The following PTK2 variants were observed in gnomAD, a reference collection of about 807,000 sequenced individuals.
PTK2 encodes focal adhesion kinase 1.
A neutral mutation model predicts 150.1 loss-of-function variants in PTK2; 45 were observed. The observed-to-expected ratio is 0.30, with a 90% CI of 0.24 to 0.38. The LOEUF (loss-of-function observed/expected upper bound fraction) is 0.38, where lower values mean the gene tolerates loss of function less well. Ranked by LOEUF, PTK2 falls within the 10% of genes least tolerant of loss-of-function variation. PTK2 has a pLI of 1.00. For missense variants in PTK2, 919 were observed against 1,307.3 expected (o/e 0.70, Z 4.58); for synonymous variants, 432 against 449.2 (o/e 0.96, Z 0.48).
chr8:140,667,960 GC>G (rs1384994384), intron 30 of PTK2, among the ~76,000 whole-genome samples: 1 of 152,202 alleles, frequency 6.6e-6, no homozygotes, highest in Non-Finnish European at 1.5e-5. Context: ...CATACTGTAA[GC>G]ATACTTTTGC....
intron 2 of PTK2, among the ~76,000 whole-genome samples, chr8:140,892,958 A>G (rs573608729): frequency 6.6e-6 from 1 of 152,374 alleles, no homozygotes; most frequent in South Asian, 2.1e-4. Flanking sequence ...AAGGTTAAAC[A>G]TGGAGTTACC....
chr8:140,703,631 C>T (rs2100032012), intron 24 of PTK2, among the ~76,000 whole-genome samples: 1 of 152,164 alleles, frequency 6.6e-6, no homozygotes, highest in South Asian at 2.1e-4. Flanking sequence ...CACAAAAAAT[C>T]CCCCAAATGT....
intron 4 of PTK2, among the ~76,000 whole-genome samples, chr8:140,875,040 A>G (rs1485583240): frequency 6.6e-6 from 1 of 152,182 alleles, no homozygotes; most frequent in African/African-American, 2.4e-5. Context: ...AAATTAACAG[A>G]GTATATGAGC....
At chr8:140,788,106 A>C (rs1207689691) in intron 14 of PTK2, among the ~76,000 whole-genome samples, 1 of 152,214 alleles carries the variant, frequency 6.6e-6, no homozygotes, top group East Asian at 1.9e-4. Flanking sequence ...TCACTACTGG[A>C]AACTAGGGCT....
At chr8:140,917,541 A>G (rs1464769454) in intron 2 of PTK2, among the ~76,000 whole-genome samples, 1 of 152,240 alleles carries the variant, frequency 6.6e-6, no homozygotes, top group Non-Finnish European at 1.5e-5. Context: ...ATGAAATTAG[A>G]ATGGCCAAAA....
intron 14 of PTK2, among the ~76,000 whole-genome samples, chr8:140,773,502 A>G (rs1229391727): frequency 6.6e-6 from 1 of 152,192 alleles, no homozygotes; most frequent in Non-Finnish European, 1.5e-5. Flanking sequence ...ATCTGCAAAG[A>G]CTTCCAGGAG....
chr8:140,735,030 C>T (rs999043866), intron 22 of PTK2: 2 of 571,608 alleles, frequency 3.5e-6, no homozygotes, highest in African/African-American at 1.9e-5. Flanking sequence ...AGAGATTTGA[C>T]CATAATTGGA....
intron 23 of PTK2, among the ~76,000 whole-genome samples, chr8:140,707,696 T>C (rs956441062): frequency 5.3e-5 from 8 of 152,276 alleles, no homozygotes; most frequent in African/African-American, 1.9e-4. Context: ...TGAACCACTG[T>C]GCCCAGCCGA....
At chr8:140,970,620 C>G (rs778135244) in intron 1 of PTK2, among the ~76,000 whole-genome samples, 1 of 152,238 alleles carries the variant, frequency 6.6e-6, no homozygotes, top group African/African-American at 2.4e-5. Flanking sequence ...ACCATCACCA[C>G]GACTTGTGCC....
At chr8:140,930,284 CAG>C (rs1297411960) in intron 1 of PTK2, among the ~76,000 whole-genome samples, 1 of 152,068 alleles carries the variant, frequency 6.6e-6, no homozygotes, top group Non-Finnish European at 1.5e-5. Flanking sequence ...ACAACAAAAA[CAG>C]AAACATATCA....
intron 22 of PTK2, among the ~76,000 whole-genome samples, chr8:140,733,840 C>T (rs181583788): frequency 1.8e-4 from 28 of 152,224 alleles, no homozygotes; most frequent in Middle Eastern, 3.4e-3. Flanking sequence ...GTTATGGGGA[C>T]GGAGACCAAG....
intron 14 of PTK2, among the ~76,000 whole-genome samples, chr8:140,766,075 AT>A (rs1313971351): frequency 6.6e-6 from 1 of 152,054 alleles, no homozygotes; most frequent in Non-Finnish European, 1.5e-5. Flanking sequence ...CTGCAGCAGG[AT>A]TTTGGGAGAG....
At chr8:140,913,203 A>G (rs1331653758) in intron 2 of PTK2, among the ~76,000 whole-genome samples, 1 of 152,200 alleles carries the variant, frequency 6.6e-6, no homozygotes, top group African/African-American at 2.4e-5. Context: ...TACTCAGATC[A>G]CCAGAACTAA....
intron 1 of PTK2, among the ~76,000 whole-genome samples, chr8:140,972,242 GTTT>G (rs1394741614): frequency 4.0e-5 from 6 of 151,764 alleles, no homozygotes; most frequent in Non-Finnish European, 7.4e-5. Flanking sequence ...ATGCTCAATT[GTTT>G]TTATTATTTT....
intron 14 of PTK2, chr8:140,765,164 G>A (rs1486527547): frequency 6.6e-6 from 1 of 152,064 alleles, no homozygotes; most frequent in Non-Finnish European, 1.5e-5. Flanking sequence ...TTAACTGCTG[G>A]GCCATTCTTG....
At chr8:140,676,403 TTAATTAATTA>T (rs1402690001) in intron 27 of PTK2, among the ~76,000 whole-genome samples, 2,537 of 41,268 alleles carry the variant, frequency 0.061, 75 homozygotes, top group African/African-American at 0.2. Context: ...AATTAATTAA[TTAATTAATTA>T]ATATATATAT....
intron 22 of PTK2, among the ~76,000 whole-genome samples, chr8:140,731,325 A>G (rs2100049202): frequency 6.6e-6 from 1 of 152,174 alleles, no homozygotes; most frequent in African/African-American, 2.4e-5. Context: ...AAGCACAAAA[A>G]TGCTAGAGTA....
intron 1 of PTK2, among the ~76,000 whole-genome samples, chr8:140,960,561 AAT>A (rs1289823274): frequency 6.6e-6 from 1 of 152,164 alleles, no homozygotes; most frequent in Non-Finnish European, 1.5e-5. Flanking sequence ...AACTAGGATG[AAT>A]CCATCAATGG....
chr8:140,911,017 A>G (rs966324479), intron 2 of PTK2, among the ~76,000 whole-genome samples: 1 of 151,206 alleles, frequency 6.6e-6, no homozygotes, highest in Non-Finnish European at 1.5e-5. Flanking sequence ...AGCTGGAACT[A>G]CAAGTGTCGC....
Sources: gnomAD v4.1 joint callset for allele counts (sites outside exome capture counted in the v4.1 genomes callset) on GRCh38, gnomAD v4.1.1 for gene constraint, MANE v1.5 for transcripts, NCBI Gene and HGNC (gene_info 2026-07-23, HGNC 2026-07-21) for gene names.